Variants in ACTN2 observed in about 807,000 individuals in gnomAD.
ACTN2 encodes the protein alpha-actinin-2.
Under a neutral mutation model 113.8 loss-of-function variants are expected in ACTN2, and 39 were observed. The observed-to-expected ratio is 0.34, with a 90% CI of 0.27 to 0.45. ACTN2 has a LOEUF of 0.45. Among genes scored for constraint, ACTN2 ranks in the 20% least tolerant of loss-of-function variants. The pLI is 1.00. For synonymous variants in ACTN2, 429 were observed against 444.1 expected, an observed-to-expected ratio of 0.97 and a Z score of 0.43; for missense variants, 992 against 1,177.9, an observed-to-expected ratio of 0.84 and a Z score of 2.31.
chr1:236,691,145 T>G (rs1666069194), intron 1 of ACTN2, among the ~76,000 whole-genome samples: 1 of 151,764 alleles, frequency 6.6e-6, no homozygotes, highest in Non-Finnish European at 1.5e-5. Context: ...GATTTCACTG[T>G]GTTAGCCAGG....
chr1:236,709,419 A>G (rs962479029), intron 1 of ACTN2, among the ~76,000 whole-genome samples: 1 of 149,808 alleles, frequency 6.7e-6, no homozygotes, highest in Non-Finnish European at 1.5e-5. Flanking sequence ...TGTGAAGGAC[A>G]AATAATTGCA....
chr1:236,762,130 C>CT (rs1216972429), intron 20 of ACTN2, among the ~76,000 whole-genome samples: 20 of 151,884 alleles, frequency 1.3e-4, no homozygotes, highest in Non-Finnish European at 1.9e-4. Flanking sequence ...TCCCACTGAA[C>CT]TTTTTTTTTA....
chr1:236,718,123 C>A, intron 2 of ACTN2, 151 bp downstream of exon 2: 1 of 669,378 alleles, frequency 1.5e-6, no homozygotes, highest in South Asian at 1.7e-5. Context: ...GAACAATCTG[C>A]CTGGAGTTAT....
rs145577650 is a variant in ACTN2 at position 236,759,023 on chromosome 1, G to T, written c.2302-701G>T. 6.0e-3 allele frequency among the ~76,000 whole-genome samples: 913 copies of T among 152,302 alleles called. 10 individuals are homozygous for T. Among genetic ancestry groups the T allele is most frequent in the African/African-American group, 0.021 (858 of 41,552 alleles). ...CATCAGTCGTTCCTAAAATGCCTCT[G>T]GGCTAGATAGACCAGTCAGATTTGG... is the stretch of plus-strand genomic sequence containing the variant. On this transcript the variant is annotated intron_variant, in intron 18 of 20. Coordinates refer to ENST00000366578, the MANE Select transcript of ACTN2 (RefSeq NM_001103.4).
rs372584949 is a variant in ACTN2 at position 236,719,052 on chromosome 1, C to A, written c.361+39C>A. ...TGGGTGGTCCTGTCTGCCACACTGACCTAATAGCGTAGGTGTGGGCTGCGA... is the reference window on the plus strand; with the variant it reads ...TGGGTGGTCCTGTCTGCCACACTGAACTAATAGCGTAGGTGTGGGCTGCGA... On this transcript the variant is annotated intron_variant, in intron 3 of 20. Transcript: ENST00000366578. The A allele has an allele frequency of 1.7e-5, 27 of 1,612,334 alleles. No homozygotes were observed. The African/African-American group carries it at 3.1e-4, about 18-fold the overall frequency.
chr1:236,702,214 C>T (rs550891591), intron 1 of ACTN2, among the ~76,000 whole-genome samples: 9 of 152,098 alleles, frequency 5.9e-5, no homozygotes, highest in Non-Finnish European at 1.2e-4. Context: ...CAAGTTAAGT[C>T]GTTTTTTTCC....
At chr1:236,742,255 C>T (rs1659093134) in intron 10 of ACTN2, among the ~76,000 whole-genome samples, 1 of 146,782 alleles carries the variant, frequency 6.8e-6, no homozygotes, top group African/African-American at 2.4e-5. Flanking sequence ...TAATGACTGT[C>T]TCTCTCCCCC....
intron 6 of ACTN2, among the ~76,000 whole-genome samples, chr1:236,730,005 C>T (rs1348125962): frequency 6.6e-6 from 1 of 152,190 alleles, no homozygotes; most frequent in South Asian, 2.1e-4. Flanking sequence ...TTCACACATG[C>T]ATATATGCAT....
At chr1:236,755,379 G>C (rs1659525151) in intron 17 of ACTN2, among the ~76,000 whole-genome samples, 181 bp downstream of exon 17, 1 of 152,118 alleles carries the variant, frequency 6.6e-6, no homozygotes, top group South Asian at 2.1e-4. Flanking sequence ...GCTATATCGA[G>C]GACTATATGG....
chr1:236,717,018 AGAGACGGGG>A (rs1199669542), intron 1 of ACTN2, among the ~76,000 whole-genome samples: 1 of 151,824 alleles, frequency 6.6e-6, no homozygotes, highest in East Asian at 2.0e-4. Flanking sequence ...TATTTTTAGT[AGAGACGGGG>A]TTTTACCATG....
intron 18 of ACTN2, 149 bp from the exon 19 acceptor site, chr1:236,759,575 G>A: frequency 1.4e-6 from 1 of 712,206 alleles, no homozygotes; most frequent in Non-Finnish European, 2.6e-6. Context: ...CCTTGTGCTG[G>A]CTCCATCCTT....
At chr1:236,739,956 T>C (rs1005612981) in intron 10 of ACTN2, among the ~76,000 whole-genome samples, 12 of 152,198 alleles carry the variant, frequency 7.9e-5, no homozygotes, top group Admixed American at 3.9e-4. Flanking sequence ...CACCGAATCA[T>C]GCACACCAGC....
chr1:236,699,905 C>T (rs1657624623), intron 1 of ACTN2, among the ~76,000 whole-genome samples: 1 of 152,160 alleles, frequency 6.6e-6, no homozygotes, highest in South Asian at 2.1e-4. Context: ...AAAAACTTTG[C>T]TATGAAAGAA....
Position 236,755,195 on chromosome 1 carries a change from G to A in ACTN2, c.2151G>A (p.Met717Ile). The change falls in exon 17 of 21, where the codon ATG becomes ATA. Residue 717 changes from methionine (M) to isoleucine (I), a missense_variant. Met to Ile is a conservative substitution (Grantham distance 10, BLOSUM62 1). Around this residue, in one of 3 missense-constraint regions of ACTN2, gnomAD observed 736 missense variants for 815.4 expected, o/e 0.90. Transcript: ENST00000366578. ...VFDNKHTNYT[M>I]EHIRVGWELL... is the part of the protein sequence containing the mutation. ...ACAACAAGCACACGAACTACACGAT[G>A]GAGGTACGGCAGCCAGACAGGCGTG... 1 of 1,614,180 alleles carries A rather than the reference G, an allele frequency of 6.2e-7. No individual in the cohort carries two copies. Among genetic ancestry groups the A allele is most frequent in the Non-Finnish European group, 8.5e-7 (1 of 1,180,052 alleles).
Position 236,762,735 on chromosome 1 carries a change from A to G in ACTN2, c.*116A>G. 1 of 1,353,362 alleles carries G rather than the reference A, an allele frequency of 7.4e-7. No individual in the cohort carries two copies. The highest frequency in any genetic ancestry group is 2.0e-5 in the Admixed American group (1 of 50,644). The allele number at this position is 1,353,362 out of a possible 1,614,324, so 83.8% of individuals were successfully genotyped here. Reference sequence around the variant, plus strand: ...AGTTGAGAGAGAGAGAGGGGAAAAAAAAAAGCCTTTCGTAGTTCAGTAATT... The same window carrying G: ...AGTTGAGAGAGAGAGAGGGGAAAAAGAAAAGCCTTTCGTAGTTCAGTAATT... On this transcript the variant is annotated 3_prime_UTR_variant, in exon 21 of 21. Transcript: ENST00000366578.
At chr1:236,759,821 T>C in intron 19 of ACTN2, 32 bp downstream of exon 19, 1 of 1,584,998 alleles carries the variant, frequency 6.3e-7, no homozygotes, top group Non-Finnish European at 8.7e-7. Context: ...TACTAAGATT[T>C]GATATTTTAT....
At position 236,747,661 on chromosome 1, in the gene ACTN2, T is replaced by C; in HGVS notation, c.1407-6T>C. ...GTTAATCTTTATTTATTTTCACTTT[T>C]AATAGTGAACTGGACTATCACGACG... On this transcript the variant is annotated splice_region_variant and splice_polypyrimidine_tract_variant and intron_variant, in intron 12 of 20. Transcript: ENST00000366578. The C allele has an allele frequency of 1.9e-6, 3 of 1,612,636 alleles. No homozygotes were observed. Among genetic ancestry groups the C allele is most frequent in the Non-Finnish European group, 2.5e-6 (3 of 1,178,744 alleles).
intron 1 of ACTN2, among the ~76,000 whole-genome samples, chr1:236,717,326 A>G (rs1001156024): frequency 7.2e-5 from 11 of 152,150 alleles, no homozygotes; most frequent in East Asian, 3.9e-4. Flanking sequence ...AGTCCCAGCT[A>G]CTTAGGGGGC....
intron 1 of ACTN2, among the ~76,000 whole-genome samples, chr1:236,702,738 G>A (rs1657713352): frequency 1.3e-5 from 2 of 152,182 alleles, no homozygotes; most frequent in African/African-American, 2.4e-5. Context: ...TATTGCATAT[G>A]TTAATCAGAG....
Sources: gnomAD v4.1 joint callset for allele counts (sites outside exome capture counted in the v4.1 genomes callset) on GRCh38, gnomAD v4.1.1 for gene constraint, gnomAD v4.1.1 regional missense constraint, MANE v1.5 for transcripts, NCBI Gene and HGNC (gene_info 2026-07-23, HGNC 2026-07-21) for gene names.